The following ASTN1 variants were observed in gnomAD, a reference collection of about 807,000 sequenced individuals.
ASTN1 encodes astrotactin-1.
Under a neutral mutation model 140.7 loss-of-function variants are expected in ASTN1, and 41 were observed. The observed-to-expected ratio is 0.29, with a 90% CI of 0.23 to 0.38. ASTN1 has a LOEUF of 0.38. Among genes scored for constraint, ASTN1 ranks in the 10% least tolerant of loss-of-function variants. ASTN1 has a pLI of 1.00. For missense variants in ASTN1, 1,479 were observed against 1,678.8 expected (o/e 0.88, Z 2.08); for synonymous variants, 640 against 652.2 (o/e 0.98, Z 0.29).
chr1:177,084,277 C>A (rs1300549660), intron 1 of ASTN1, among the ~76,000 whole-genome samples: 12 of 152,162 alleles, frequency 7.9e-5, no homozygotes, highest in Admixed American at 7.9e-4. Context: ...GGGCAAGAGA[C>A]CCATCTAGTT....
intron 5 of ASTN1, among the ~76,000 whole-genome samples, chr1:177,025,339 T>C (rs1053780379): frequency 3.3e-5 from 5 of 152,130 alleles, no homozygotes; most frequent in Admixed American, 6.5e-5. Context: ...CCTGGAATCA[T>C]TGGAGGAAAT....
chr1:176,912,658 A>T (rs1670295493), intron 16 of ASTN1, among the ~76,000 whole-genome samples: 1 of 152,178 alleles, frequency 6.6e-6, no homozygotes, highest in Non-Finnish European at 1.5e-5. Flanking sequence ...GGTCATACAG[A>T]TTTCAAAGGC....
At chr1:176,945,113 T>TC (rs1671895760) in intron 13 of ASTN1, among the ~76,000 whole-genome samples, 1 of 152,032 alleles carries the variant, frequency 6.6e-6, no homozygotes, top group Non-Finnish European at 1.5e-5. Context: ...ATTTAAATAG[T>TC]CCAAGGCAGA....
chr1:177,017,506 G>A (rs966696661), intron 7 of ASTN1, among the ~76,000 whole-genome samples: 5 of 152,222 alleles, frequency 3.3e-5, no homozygotes, highest in Non-Finnish European at 7.3e-5. Flanking sequence ...TGAAAGCACA[G>A]GCTCCGACTG....
chr1:176,988,383 A>C (rs1674008557), intron 8 of ASTN1, among the ~76,000 whole-genome samples: 2 of 151,168 alleles, frequency 1.3e-5, no homozygotes, highest in Non-Finnish European at 2.9e-5. Context: ...GGACAGTTTT[A>C]TTATGAGAAA....
intron 12 of ASTN1, among the ~76,000 whole-genome samples, chr1:176,948,349 G>C (rs557611217): frequency 1.1e-4 from 16 of 152,078 alleles, no homozygotes; most frequent in Non-Finnish European, 5.9e-5. Flanking sequence ...GCTAACTATG[G>C]CTGTAGAAGA....
intron 1 of ASTN1, among the ~76,000 whole-genome samples, chr1:177,101,448 C>T (rs948519597): frequency 6.6e-6 from 1 of 152,124 alleles, no homozygotes; most frequent in Non-Finnish European, 1.5e-5. Flanking sequence ...TAAAAGAAAC[C>T]ATGCCCACAA....
At chr1:177,142,587 A>G (rs1024034418) in intron 1 of ASTN1, among the ~76,000 whole-genome samples, 2 of 152,196 alleles carry the variant, frequency 1.3e-5, no homozygotes, top group African/African-American at 4.8e-5. Context: ...TTCTTTATAC[A>G]TCACTGCTAC....
At chr1:176,918,508 C>G (rs1670589742) in intron 16 of ASTN1, among the ~76,000 whole-genome samples, 1 of 152,172 alleles carries the variant, frequency 6.6e-6, no homozygotes, top group Non-Finnish European at 1.5e-5. Context: ...GTAACTGGCA[C>G]TTCTACATCA....
intron 8 of ASTN1, among the ~76,000 whole-genome samples, chr1:177,001,560 G>A (rs1294752001): frequency 1.3e-5 from 2 of 152,314 alleles, no homozygotes; most frequent in East Asian, 3.9e-4. Context: ...CAAAAACACA[G>A]GGCTTTTAAG....
intron 8 of ASTN1, among the ~76,000 whole-genome samples, chr1:177,014,438 T>C (rs557780626): frequency 1.3e-5 from 2 of 152,306 alleles, no homozygotes; most frequent in Admixed American, 6.5e-5. Context: ...GAGAGCTACA[T>C]TGGAGTCTCT....
At chr1:176,957,587 C>T in intron 11 of ASTN1, 91 bp downstream of exon 11, 1 of 1,485,480 alleles carries the variant, frequency 6.7e-7, no homozygotes. Flanking sequence ...GATCACAGCA[C>T]ATTTTTCCCT....
intron 16 of ASTN1, among the ~76,000 whole-genome samples, chr1:176,900,522 A>G (rs1231395293): frequency 6.6e-6 from 1 of 152,082 alleles, no homozygotes; most frequent in East Asian, 1.9e-4. Flanking sequence ...TTTTAGCCCC[A>G]CACCATCCAC....
At chr1:176,900,277 T>A (rs12727627) in intron 16 of ASTN1, among the ~76,000 whole-genome samples, 11,131 of 152,146 alleles carry the variant, frequency 0.073, 646 homozygotes, top group African/African-American at 0.16. Context: ...TGCTTGGACA[T>A]CTACTTATAT....
At chr1:177,156,715 T>C (rs908305963) in intron 1 of ASTN1, among the ~76,000 whole-genome samples, 48 of 151,942 alleles carry the variant, frequency 3.2e-4, no homozygotes, top group African/African-American at 1.2e-3. Flanking sequence ...GCACAGTGAC[T>C]TCCTTCAAAG....
chr1:176,954,255 A>G (rs1465519115), intron 11 of ASTN1, among the ~76,000 whole-genome samples: 1 of 152,228 alleles, frequency 6.6e-6, no homozygotes, highest in Non-Finnish European at 1.5e-5. Context: ...GGTGGGCTCA[A>G]TGTAATCACA....
chr1:176,982,767 A>G (rs1673682542), intron 8 of ASTN1, among the ~76,000 whole-genome samples: 1 of 152,188 alleles, frequency 6.6e-6, no homozygotes, highest in Non-Finnish European at 1.5e-5. Context: ...CAGCATAGAG[A>G]GAGAACAATT....
rs1238778338 is a variant in ASTN1 at position 176,888,146 on chromosome 1, T to C, written c.2999A>G (p.Glu1000Gly). ...AGTGGAGTCACATCGACACCAGTCCTCGATGACATCTCCAGTCCCTGAGCA... is the reference window on the plus strand; with the variant it reads ...AGTGGAGTCACATCGACACCAGTCCCCGATGACATCTCCAGTCCCTGAGCA... The part of the protein sequence containing the change: ...LWCSGTGDVI[E>G]DWCRCDSTAF... Residue 1000 changes from glutamate to glycine, a missense_variant, in exon 18 of 23, where the codon GAG (glutamate) becomes GGG (glycine). Glu to Gly is a moderately conservative substitution (Grantham distance 98). Around this residue, in one of 3 missense-constraint regions of ASTN1, gnomAD observed 746 missense variants for 800.9 expected, o/e 0.93. Coordinates refer to ENST00000361833, the MANE Select transcript of ASTN1 (RefSeq NM_004319.3). 3.1e-6 allele frequency: 5 copies of C among 1,614,120 alleles called. No homozygotes were observed. Among genetic ancestry groups the C allele is most frequent in the Non-Finnish European group, 4.2e-6 (5 of 1,180,012 alleles).
intron 1 of ASTN1, among the ~76,000 whole-genome samples, chr1:177,139,876 G>A (rs1020574522): frequency 6.6e-6 from 1 of 151,732 alleles, no homozygotes; most frequent in African/African-American, 2.4e-5. Flanking sequence ...TCTTTATTAG[G>A]GTATTTTTAT....
Sources: gnomAD v4.1 joint callset for allele counts (sites outside exome capture counted in the v4.1 genomes callset) on GRCh38, gnomAD v4.1.1 for gene constraint, gnomAD v4.1.1 regional missense constraint, MANE v1.5 for transcripts, NCBI Gene and HGNC (gene_info 2026-07-23, HGNC 2026-07-21) for gene names.